The following CA10 variants were observed in gnomAD, a reference collection of about 807,000 sequenced individuals.
CA10 encodes carbonic anhydrase 10 (inactive).
CA10 carries 14 observed loss-of-function variants against 44.2 expected under a neutral mutation model. The ratio of observed to expected loss-of-function variants is 0.32; its 90% CI spans 0.21 to 0.50. The LOEUF is 0.50. Among genes scored for constraint, CA10 ranks in the 20% least tolerant of loss-of-function variants. The pLI, the probability that CA10 is intolerant of heterozygous loss-of-function variation, is 0.99. For missense variants in CA10, 350 were observed against 409.7 expected, an observed-to-expected ratio of 0.85 and a Z score of 1.26; for synonymous variants, 159 against 141.6, an observed-to-expected ratio of 1.12 and a Z score of -0.87.
chr17:51,935,254 T>G (rs1190720451), intron 2 of CA10, among the ~76,000 whole-genome samples: 1 of 152,192 alleles, frequency 6.6e-6, no homozygotes, highest in Admixed American at 6.5e-5. Context: ...AATTTTTTTC[T>G]CTTAGTTTCC....
intron 2 of CA10, among the ~76,000 whole-genome samples, chr17:51,994,258 T>C (rs1032990371): frequency 6.6e-6 from 1 of 151,982 alleles, no homozygotes; most frequent in African/African-American, 2.4e-5. Context: ...TCCAAGAGTT[T>C]TTTTCCCCCT....
intron 3 of CA10, among the ~76,000 whole-genome samples, chr17:51,860,941 T>A (rs1191834657): frequency 6.6e-6 from 1 of 152,172 alleles, no homozygotes. Context: ...TGGGCTGTAT[T>A]GCGCTGACCT....
chr17:52,070,007 A>G (rs2970043), intron 2 of CA10, among the ~76,000 whole-genome samples: 57,728 of 152,054 alleles, frequency 0.38, 13,038 homozygotes, highest in East Asian at 0.74. Context: ...GTTTGCCACA[A>G]GTACCCACTC....
At chr17:51,963,376 T>C (rs1427326096) in intron 2 of CA10, among the ~76,000 whole-genome samples, 1 of 152,184 alleles carries the variant, frequency 6.6e-6, no homozygotes, top group African/African-American at 2.4e-5. Flanking sequence ...GTCCCTAATC[T>C]TGCTAGAGAG....
intron 3 of CA10, among the ~76,000 whole-genome samples, chr17:51,890,206 C>T (rs1278026928): frequency 6.6e-6 from 1 of 152,192 alleles, no homozygotes; most frequent in East Asian, 1.9e-4. Context: ...AATAATCTCT[C>T]TTGTCTGTGT....
chr17:52,111,200 G>A (rs1016913000), intron 1 of CA10, among the ~76,000 whole-genome samples: 1 of 152,178 alleles, frequency 6.6e-6, no homozygotes, highest in South Asian at 2.1e-4. Context: ...CAGGCACACT[G>A]ATTATGTATG....
At chr17:52,106,191 C>T (rs2143267173) in intron 1 of CA10, among the ~76,000 whole-genome samples, 1 of 152,298 alleles carries the variant, frequency 6.6e-6, no homozygotes, top group South Asian at 2.1e-4. Flanking sequence ...TTCCACTTGC[C>T]TTCACCCTCC....
At chr17:51,636,098 A>G (rs559972413) in intron 6 of CA10, 89 bp from the exon 7 acceptor site, 3 of 627,146 alleles carry the variant, frequency 4.8e-6, no homozygotes, top group Non-Finnish European at 8.0e-6. Flanking sequence ...ACATATACAT[A>G]TACATATACA....
chr17:52,149,127 T>C (rs1280907504), intron 1 of CA10, among the ~76,000 whole-genome samples: 1 of 152,208 alleles, frequency 6.6e-6, no homozygotes, highest in Non-Finnish European at 1.5e-5. Context: ...TTGACTCACA[T>C]CCTTCAGTAA....
At chr17:51,651,823 G>T (rs933300059) in intron 5 of CA10, among the ~76,000 whole-genome samples, 10 of 152,200 alleles carry the variant, frequency 6.6e-5, no homozygotes, top group African/African-American at 2.4e-4. Flanking sequence ...AATTGCTGGG[G>T]CAGGCAGGAT....
chr17:51,765,734 T>TGTGC (rs917361033), intron 3 of CA10, among the ~76,000 whole-genome samples: 3 of 150,596 alleles, frequency 2.0e-5, no homozygotes, highest in African/African-American at 7.4e-5. Context: ...TATGTGTGTG[T>TGTGC]GCATGCATGT....
intron 3 of CA10, among the ~76,000 whole-genome samples, chr17:51,777,822 C>T (rs1215458127): frequency 6.6e-6 from 1 of 152,126 alleles, no homozygotes; most frequent in African/African-American, 2.4e-5. Context: ...GTCCCTGCTA[C>T]TCTGGAGGCT....
At position 51,640,328 on chromosome 17, in the gene CA10, C is replaced by T. The variant is rs1194060631; in HGVS notation, c.635-4319G>A. 2.0e-5 allele frequency among the ~76,000 whole-genome samples: 3 copies of T among 152,162 alleles called. No homozygotes were observed. The East Asian group carries it at 5.8e-4, about 29-fold the overall frequency. On this transcript the variant is annotated intron_variant, in intron 6 of 8. Transcript: ENST00000451037. ...ATGAGGGGAAGCATCTCTGAGGCTCCAGTCAGCATCCTTAGCTTAAATACA... is the reference window on the plus strand; with the variant it reads ...ATGAGGGGAAGCATCTCTGAGGCTCTAGTCAGCATCCTTAGCTTAAATACA...
intron 1 of CA10, among the ~76,000 whole-genome samples, chr17:52,148,312 G>A (rs1161361115): frequency 2.0e-5 from 3 of 152,164 alleles, no homozygotes; most frequent in African/African-American, 7.2e-5. Context: ...TCCTCAAGTA[G>A]GAACAGAGAT....
At chr17:52,053,426 T>G (rs1363152768) in intron 2 of CA10, among the ~76,000 whole-genome samples, 1 of 151,858 alleles carries the variant, frequency 6.6e-6, no homozygotes, top group African/African-American at 2.4e-5. Flanking sequence ...AAGAAAACTT[T>G]TAAAAAGTTC....
At chr17:51,754,291 T>A (rs1256449315) in intron 3 of CA10, among the ~76,000 whole-genome samples, 2 of 26,904 alleles carry the variant, frequency 7.4e-5, no homozygotes, top group Non-Finnish European at 2.2e-4. Context: ...GAATAGTGTG[T>A]GTGTGTGTGT....
In CA10 at chr17:52,123,615, C is replaced by T. The variant is rs143537563; in HGVS notation, c.61+34111G>A. Among the ~76,000 whole-genome samples the T allele has an allele frequency of 4.5e-3, 683 of 152,140 alleles. 3 individuals are homozygous for T. The highest frequency in any genetic ancestry group is 0.016 in the African/African-American group (645 of 41,486). ...TATGGAAGGAAAGCAGACCAAGGGA[C>T]CCAAAGCCATTGATCGAAGCCTGAC... On this transcript the variant is annotated intron_variant, in intron 1 of 8. Transcript: ENST00000451037.
chr17:51,682,234 A>G (rs1914871873), intron 4 of CA10, among the ~76,000 whole-genome samples: 1 of 152,158 alleles, frequency 6.6e-6, no homozygotes, highest in African/African-American at 2.4e-5. Flanking sequence ...TCGGGTTTCT[A>G]AAAAACGTGG....
At chr17:51,940,947 T>G (rs1180614538) in intron 2 of CA10, among the ~76,000 whole-genome samples, 3 of 152,130 alleles carry the variant, frequency 2.0e-5, no homozygotes, top group Non-Finnish European at 4.4e-5. Flanking sequence ...ATGATCATCA[T>G]AGCCAATTCT....
Sources: gnomAD v4.1 joint callset for allele counts (sites outside exome capture counted in the v4.1 genomes callset) on GRCh38, gnomAD v4.1.1 for gene constraint, MANE v1.5 for transcripts, NCBI Gene and HGNC (gene_info 2026-07-23, HGNC 2026-07-21) for gene names.